The following USP33 variants were observed in gnomAD, a reference collection of about 807,000 sequenced individuals.
The protein encoded by USP33 is ubiquitin specific peptidase 33, also known as ubiquitin carboxyl-terminal hydrolase 33.
A neutral mutation model predicts 124.2 loss-of-function variants in USP33; 46 were observed. The ratio of observed to expected loss-of-function variants is 0.37; its 90% CI spans 0.29 to 0.47. USP33 has a LOEUF of 0.47. USP33 is among the 20% of genes least tolerant of loss of function. The pLI is 0.99. For missense variants in USP33, 851 were observed against 1,070.6 expected, an observed-to-expected ratio of 0.79 and a Z score of 2.86; for synonymous variants, 350 against 352.3, an observed-to-expected ratio of 0.99 and a Z score of 0.07.
At chr1:77,716,780 T>C (rs1675954457) in intron 17 of USP33, among the ~76,000 whole-genome samples, 1 of 152,136 alleles carries the variant, frequency 6.6e-6, no homozygotes. Context: ...GAAGGGTTTG[T>C]GTATATTTTC....
At chr1:77,739,174 G>T in intron 5 of USP33, 91 bp downstream of exon 5, 1 of 1,453,694 alleles carries the variant, frequency 6.9e-7, no homozygotes, top group Non-Finnish European at 9.3e-7. Flanking sequence ...AGGTTAGGCA[G>T]TATTCCTTTT....
intron 5 of USP33, among the ~76,000 whole-genome samples, chr1:77,737,844 TA>T (rs1678657893): frequency 1.3e-5 from 2 of 152,212 alleles, no homozygotes; most frequent in South Asian, 2.1e-4. Flanking sequence ...GTTTTGCCTT[TA>T]TATATTATTA....
chr1:77,754,705 GA>G, intron 1 of USP33, among the ~76,000 whole-genome samples: 1 of 152,236 alleles, frequency 6.6e-6, no homozygotes, highest in Non-Finnish European at 1.5e-5. Flanking sequence ...TCTTTTACTA[GA>G]AAATCTGTCT....
chr1:77,717,490 CAA>C (rs575507467), intron 17 of USP33: 16 of 107,786 alleles, frequency 1.5e-4, no homozygotes, highest in Admixed American at 3.0e-4. Context: ...ACTCTGTCTC[CAA>C]AAAAAAAAAA....
rs149399157 is a variant in USP33, at chr1:77,728,550, T to C, written c.880A>G (p.Ser294Gly). Residue 294 changes from serine (S) to glycine (G), a missense_variant, in exon 10 of 24, where the codon AGC (serine) becomes GGC (glycine). This residue lies in a region of USP33 where 207 missense variants were observed against 200.9 expected (regional missense o/e 1.03). Coordinates refer to ENST00000370794, the MANE Select transcript of USP33 (RefSeq NM_201624.3). ...DVDFQSCESC[S>G]NSDRAENENG... ...TCATTTTCTGCTCTATCACTGTTGCTACAAGATTCACAAGACTGAAAATCT... is the reference window on the plus strand; with the variant it reads ...TCATTTTCTGCTCTATCACTGTTGCCACAAGATTCACAAGACTGAAAATCT... 254 of 1,614,186 alleles carry C rather than the reference T, an allele frequency of 1.6e-4. 1 individual carries two copies. The East Asian group carries it at 4.4e-3, about 28-fold the overall frequency.
chr1:77,743,020 G>A (rs979668311), intron 1 of USP33, among the ~76,000 whole-genome samples: 10 of 151,802 alleles, frequency 6.6e-5, no homozygotes, highest in African/African-American at 9.7e-5. Flanking sequence ...TCAGCTCACC[G>A]CAAACTTCAC....
intron 6 of USP33, 120 bp downstream of exon 6, chr1:77,735,936 G>A: frequency 1.5e-6 from 1 of 675,784 alleles, no homozygotes; most frequent in South Asian, 4.5e-5. Flanking sequence ...AAATTTCAGA[G>A]TCCTTTTGTT....
Position 77,722,024 on chromosome 1 carries a change from C to A in USP33, c.1562G>T (p.Arg521Met). The change falls in exon 13 of 24, where the codon AGG becomes ATG. Residue 521 changes from arginine (R) to methionine (M), a missense_variant and splice_region_variant. Around this residue, in one of 4 missense-constraint regions of USP33, gnomAD observed 281 missense variants for 425.0 expected, o/e 0.66. Coordinates refer to ENST00000370794, the MANE Select transcript of USP33 (RefSeq NM_201624.3). ...TAATACAAAGAAAATAAATACATACCTCTTCACATATTCCATGAAAAAAGC... is the reference window on the plus strand; with the variant it reads ...TAATACAAAGAAAATAAATACATACATCTTCACATATTCCATGAAAAAAGC... ...WIAFFMEYVK[R>M]FVVSCVPSWF... 6.2e-7 allele frequency: 1 copy of A among 1,612,454 alleles called. No homozygotes were observed. The highest frequency in any genetic ancestry group is 1.1e-5 in the South Asian group (1 of 90,660).
chr1:77,697,816 G>A (rs1673565447), intron 23 of USP33, 47 bp downstream of exon 23: 1 of 1,512,130 alleles, frequency 6.6e-7, no homozygotes, highest in Admixed American at 1.9e-5. Context: ...ATTTCTAACA[G>A]TGACAAATCA....
At chr1:77,712,728 C>A (rs1338181313) in intron 20 of USP33, among the ~76,000 whole-genome samples, 1 of 151,970 alleles carries the variant, frequency 6.6e-6, no homozygotes, top group Non-Finnish European at 1.5e-5. Flanking sequence ...CATGGTGATG[C>A]ACGCCTGTGA....
chr1:77,755,346 T>A (rs1412903466), intron 1 of USP33, among the ~76,000 whole-genome samples: 1 of 152,218 alleles, frequency 6.6e-6, no homozygotes, highest in Non-Finnish European at 1.5e-5. Context: ...ATAATATTGA[T>A]TTTAAAACTA....
chr1:77,750,496 G>A (rs1488994449), intron 1 of USP33, among the ~76,000 whole-genome samples: 1 of 151,382 alleles, frequency 6.6e-6, no homozygotes, highest in Non-Finnish European at 1.5e-5. Flanking sequence ...TCAGCCCAGC[G>A]TGGTGGTGCA....
At chr1:77,709,402 C>G (rs1240169246) in intron 21 of USP33, among the ~76,000 whole-genome samples, 1 of 151,994 alleles carries the variant, frequency 6.6e-6, no homozygotes, top group Non-Finnish European at 1.5e-5. Flanking sequence ...GTAGTCCTAG[C>G]TACTCGGGAT....
intron 21 of USP33, 31 bp from the exon 22 acceptor site, chr1:77,701,502 T>C (rs200297028): frequency 1.3e-6 from 2 of 1,550,548 alleles, no homozygotes; most frequent in African/African-American, 1.4e-5. Context: ...AGTCATCTAA[T>C]ATCTAAAACT....
chr1:77,722,357 GC>G, intron 12 of USP33, 161 bp from the exon 13 acceptor site: 1 of 618,016 alleles, frequency 1.6e-6, no homozygotes, highest in Non-Finnish European at 2.6e-6. Context: ...AGTCATAATA[GC>G]AAAAAAAAAA....
chr1:77,725,191 G>A (rs1468631631), intron 11 of USP33, among the ~76,000 whole-genome samples: 1 of 152,046 alleles, frequency 6.6e-6, no homozygotes, highest in African/African-American at 2.4e-5. Flanking sequence ...AAAATCAAAA[G>A]ACTACATACT....
chr1:77,701,959 C>T (rs1162466327), intron 21 of USP33, among the ~76,000 whole-genome samples: 2 of 147,924 alleles, frequency 1.4e-5, no homozygotes, highest in African/African-American at 2.5e-5. Context: ...TGAGCCACCA[C>T]ACTCGGCCTA....
chr1:77,700,697 C>CT lies in USP33; in HGVS notation c.2509+671dup, dbSNP rs534786658. Reference sequence around the variant, plus strand: ...TGCAGCCTTTTTCACATATCAGAATCTTTTTTTTTTTTTTTTTTTTAAAGA... The same window carrying CT: ...TGCAGCCTTTTTCACATATCAGAATCTTTTTTTTTTTTTTTTTTTTTAAAGA... On this transcript the variant is annotated intron_variant, in intron 22 of 23. Coordinates refer to ENST00000370794, the MANE Select transcript of USP33 (RefSeq NM_201624.3). Among the ~76,000 whole-genome samples, 780 of 132,138 alleles carry CT rather than the reference C, an allele frequency of 5.9e-3. 5 individuals carry two copies. The highest frequency in any genetic ancestry group is 0.023 in the Middle Eastern group (6 of 266). 86.7% of individuals were successfully genotyped at this position (132,138 alleles called of 152,430 possible).
rs749373760 is a variant in USP33 at position 77,741,742 on chromosome 1, G to A, written c.-45C>T. On this transcript the variant is annotated 5_prime_UTR_variant, in exon 2 of 24. Coordinates refer to ENST00000370794, the MANE Select transcript of USP33 (RefSeq NM_201624.3). ...TGTTTCCCAAGACTTTCAAAATGAGGTAACACCTATAAGAAAAGTAACACA... is the reference window on the plus strand; with the variant it reads ...TGTTTCCCAAGACTTTCAAAATGAGATAACACCTATAAGAAAAGTAACACA... The A allele has an allele frequency of 3.1e-6, 5 of 1,587,968 alleles. No homozygotes were observed. In the South Asian group the frequency reaches 4.7e-5, roughly 15 times the overall value.
Sources: allele counts gnomAD v4.1 joint callset (sites outside exome capture counted in the v4.1 genomes callset), GRCh38; gene constraint gnomAD v4.1.1; regional missense constraint gnomAD v4.1.1; transcripts MANE v1.5; gene names NCBI Gene and HGNC (gene_info 2026-07-23, HGNC 2026-07-21).